PTPRM: variants seen among roughly 807,000 people sequenced by gnomAD.
The protein encoded by PTPRM is receptor-type tyrosine-protein phosphatase mu.
PTPRM carries 47 observed loss-of-function variants against 186.7 expected under a neutral mutation model. The ratio of observed to expected loss-of-function variants is 0.25; its 90% CI spans 0.20 to 0.32. The LOEUF (loss-of-function observed/expected upper bound fraction) is 0.32. Ranked by LOEUF, PTPRM falls within the 10% of genes least tolerant of loss-of-function variation. The pLI, the probability that PTPRM is intolerant of heterozygous loss-of-function variation, is 1.00. For missense variants in PTPRM, 1,494 were observed against 1,865.0 expected, an observed-to-expected ratio of 0.80 and a Z score of 3.66; for synonymous variants, 668 against 674.9, an observed-to-expected ratio of 0.99 and a Z score of 0.16.
chr18:7,700,158 AATAG>A (rs1448876448), intron 1 of PTPRM, among the ~76,000 whole-genome samples: 2 of 152,232 alleles, frequency 1.3e-5, no homozygotes, highest in Non-Finnish European at 2.9e-5. Context: ...ACATGAAAAT[AATAG>A]ATAAAATATT....
intron 3 of PTPRM, among the ~76,000 whole-genome samples, chr18:7,890,309 C>G (rs1032741937): frequency 6.6e-6 from 1 of 152,064 alleles, no homozygotes; most frequent in Non-Finnish European, 1.5e-5. Context: ...TAGGGCTTTC[C>G]AGGGCTGCTT....
intron 11 of PTPRM, among the ~76,000 whole-genome samples, chr18:8,089,330 G>A (rs2090593780): frequency 6.6e-6 from 1 of 152,074 alleles, no homozygotes. Context: ...ACAGATTATT[G>A]GAAAGAACAT....
At chr18:8,307,290 G>A (rs779863103) in intron 20 of PTPRM, among the ~76,000 whole-genome samples, 6 of 152,174 alleles carry the variant, frequency 3.9e-5, no homozygotes, top group East Asian at 3.8e-4. Context: ...GCCAGGAAGT[G>A]CAATCATGTG....
chr18:7,577,123 T>A (rs975380565), intron 1 of PTPRM, among the ~76,000 whole-genome samples: 19 of 152,274 alleles, frequency 1.2e-4, no homozygotes, highest in African/African-American at 4.6e-4. Flanking sequence ...CTTAGGTATC[T>A]CCAATAACCT....
chr18:7,602,204 G>A (rs981015883), intron 1 of PTPRM, among the ~76,000 whole-genome samples: 4 of 152,172 alleles, frequency 2.6e-5, no homozygotes, highest in African/African-American at 9.7e-5. Flanking sequence ...GCTGGGTGGG[G>A]ACCTTGGTGT....
chr18:7,865,826 G>C (rs1239137062), intron 2 of PTPRM, among the ~76,000 whole-genome samples: 1 of 151,822 alleles, frequency 6.6e-6, no homozygotes, highest in East Asian at 1.9e-4. Context: ...AGTTTTTTTT[G>C]GTTGGTAGGC....
chr18:8,005,457 A>G (rs2084123170), intron 7 of PTPRM, among the ~76,000 whole-genome samples: 2 of 152,196 alleles, frequency 1.3e-5, no homozygotes. Flanking sequence ...TATCTTTTTC[A>G]AACTACTTTT....
intron 19 of PTPRM, among the ~76,000 whole-genome samples, chr18:8,282,147 C>T (rs1007492738): frequency 1.3e-5 from 2 of 152,030 alleles, no homozygotes; most frequent in African/African-American, 2.4e-5. Flanking sequence ...AGAGAATGTA[C>T]AGATGACAAA....
chr18:8,035,951 C>T (rs569857003), intron 7 of PTPRM, among the ~76,000 whole-genome samples: 2 of 152,226 alleles, frequency 1.3e-5, no homozygotes, highest in South Asian at 4.1e-4. Context: ...TATTATGCCT[C>T]AGTGTATATC....
intron 2 of PTPRM, among the ~76,000 whole-genome samples, chr18:7,855,344 T>A (rs1055062960): frequency 6.6e-6 from 1 of 152,326 alleles, no homozygotes; most frequent in South Asian, 2.1e-4. Flanking sequence ...CAGGGGGCCT[T>A]GTGGCTTGGG....
At chr18:7,850,057 T>C (rs1335072256) in intron 2 of PTPRM, among the ~76,000 whole-genome samples, 1 of 152,150 alleles carries the variant, frequency 6.6e-6, no homozygotes, top group East Asian at 1.9e-4. Flanking sequence ...ATGCACAGAT[T>C]GAGTAACTTG....
At position 8,149,803 on chromosome 18, in the gene PTPRM, G is replaced by C. The variant is rs2092964400; in HGVS notation, c.2300+6024G>C. ...GCTGGTACCGGTTGTTCCTTTTCATGTTTAGTGCTTCCTTCAGGAGCTCTT... is the reference window on the plus strand; with the variant it reads ...GCTGGTACCGGTTGTTCCTTTTCATCTTTAGTGCTTCCTTCAGGAGCTCTT... On this transcript the variant is annotated intron_variant, in intron 14 of 32. Coordinates refer to ENST00000580170, the MANE Select transcript of PTPRM (RefSeq NM_001105244.2). Among the ~76,000 whole-genome samples the C allele has an allele frequency of 2.0e-5, 3 of 152,170 alleles. No homozygotes were observed. The South Asian group carries it at 6.2e-4, about 32-fold the overall frequency.
intron 22 of PTPRM, among the ~76,000 whole-genome samples, chr18:8,331,903 C>G (rs1228137093): frequency 2.6e-5 from 4 of 152,348 alleles, no homozygotes. Flanking sequence ...ATAGCAGCGC[C>G]AGCTCCACGT....
intron 1 of PTPRM, among the ~76,000 whole-genome samples, chr18:7,743,668 T>G (rs2040927892): frequency 6.6e-6 from 1 of 152,210 alleles, no homozygotes; most frequent in Non-Finnish European, 1.5e-5. Flanking sequence ...CTAATGTCAG[T>G]GAATTTTTCT....
chr18:8,014,083 G>A (rs1303551142), intron 7 of PTPRM, among the ~76,000 whole-genome samples: 2 of 152,034 alleles, frequency 1.3e-5, no homozygotes, highest in Non-Finnish European at 2.9e-5. Flanking sequence ...AACAGAGGCA[G>A]TATAAGAATA....
At chr18:8,184,816 G>T (rs933283136) in intron 14 of PTPRM, among the ~76,000 whole-genome samples, 1 of 152,112 alleles carries the variant, frequency 6.6e-6, no homozygotes, top group Non-Finnish European at 1.5e-5. Context: ...CCTACCACAT[G>T]AGTGTTAGTA....
At position 7,966,060 on chromosome 18, in the gene PTPRM, G is replaced by C. The variant is rs1016547973; in HGVS notation, c.1132+10646G>C. ...TCAAAATTTTAGTTTATGAGGGTTA[G>C]CCATGTTCCTTTGTGTAACACTTTT... On this transcript the variant is annotated intron_variant, in intron 7 of 32. Transcript: ENST00000580170. 6.4e-4 allele frequency among the ~76,000 whole-genome samples: 97 copies of C among 152,182 alleles called. 2 individuals are homozygous for C. Among genetic ancestry groups the C allele is most frequent in the Admixed American group, 6.3e-3 (96 of 15,278 alleles).
chr18:7,772,139 T>G (rs1017982775), intron 1 of PTPRM, among the ~76,000 whole-genome samples: 1 of 152,198 alleles, frequency 6.6e-6, no homozygotes, highest in Admixed American at 6.5e-5. Context: ...GTAGCAGGAA[T>G]TACAGGGAGC....
intron 7 of PTPRM, among the ~76,000 whole-genome samples, chr18:8,054,906 C>T (rs565916584): frequency 6.6e-6 from 1 of 152,104 alleles, no homozygotes; most frequent in East Asian, 1.9e-4. Context: ...GTATATAGTT[C>T]TAAGTTGACA....
Sources: allele counts gnomAD v4.1 joint callset (sites outside exome capture counted in the v4.1 genomes callset), GRCh38; gene constraint gnomAD v4.1.1; transcripts MANE v1.5; gene names NCBI Gene and HGNC (gene_info 2026-07-23, HGNC 2026-07-21).